Variants in GNA14 observed in about 807,000 individuals in gnomAD.
The protein encoded by GNA14 is guanine nucleotide-binding protein subunit alpha-14.
A neutral mutation model predicts 42.0 loss-of-function variants in GNA14; 50 were observed. That is an observed-to-expected ratio of 1.19 (90% CI 0.95 to 1.51). The LOEUF (loss-of-function observed/expected upper bound fraction) is 1.51, where lower values mean the gene tolerates loss of function less well. GNA14 is among the 40% of genes most tolerant of loss of function. GNA14 has a pLI of 0.00. For missense variants in GNA14, 473 were observed against 446.2 expected (o/e 1.06, Z -0.54); for synonymous variants, 173 against 163.1 (o/e 1.06, Z -0.46).
intron 1 of GNA14, among the ~76,000 whole-genome samples, chr9:77,597,898 T>TA (rs1212260011): frequency 4.6e-5 from 7 of 151,176 alleles, no homozygotes; most frequent in East Asian, 2.0e-4. Flanking sequence ...CCCATCTCCA[T>TA]AAAAAAAATA....
intron 2 of GNA14, among the ~76,000 whole-genome samples, chr9:77,525,934 A>G: frequency 6.9e-6 from 1 of 144,970 alleles, no homozygotes; most frequent in African/African-American, 2.6e-5. Context: ...ACGGAGTTTC[A>G]CTTTGTCCCC....
chr9:77,446,612 G>A (rs1235652835), intron 2 of GNA14, among the ~76,000 whole-genome samples: 1 of 152,100 alleles, frequency 6.6e-6, no homozygotes, highest in Non-Finnish European at 1.5e-5. Context: ...CATTTCTCAG[G>A]TGAGGGAGAG....
Position 77,590,160 on chromosome 9 carries a change from A to AC in GNA14, c.124+57509dup, listed in dbSNP as rs1301752278. On this transcript the variant is annotated intron_variant, in intron 1 of 6. Transcript: ENST00000341700. Reference sequence around the variant, plus strand: ...CTTGAAGTCCTGACTTCAGTGATCCACCCCCCTCGGCCTCCCAAAGTGCTG... The same window carrying AC: ...CTTGAAGTCCTGACTTCAGTGATCCACCCCCCCTCGGCCTCCCAAAGTGCTG... Among the ~76,000 whole-genome samples the AC allele has an allele frequency of 3.3e-5, 5 of 151,658 alleles. No homozygotes were observed. In the East Asian group the frequency reaches 5.8e-4, roughly 18 times the overall value.
chr9:77,602,475 T>C (rs994088163), intron 1 of GNA14, among the ~76,000 whole-genome samples: 1 of 152,242 alleles, frequency 6.6e-6, no homozygotes, highest in Non-Finnish European at 1.5e-5. Flanking sequence ...TATATGGATG[T>C]TATTCTGTCA....
intron 2 of GNA14, among the ~76,000 whole-genome samples, chr9:77,479,891 C>A (rs1179068554): frequency 1.3e-5 from 2 of 151,986 alleles, no homozygotes; most frequent in Non-Finnish European, 2.9e-5. Flanking sequence ...GATTTTTGTA[C>A]ATTGATTTTG....
chr9:77,493,022 A>C (rs376310357), intron 2 of GNA14, among the ~76,000 whole-genome samples: 1 of 74,964 alleles, frequency 1.3e-5, no homozygotes, highest in Non-Finnish European at 2.5e-5. Context: ...AAAAAAAAAA[A>C]AAAAATATAT....
chr9:77,532,788 C>T (rs971137832), intron 1 of GNA14, among the ~76,000 whole-genome samples: 1 of 152,178 alleles, frequency 6.6e-6, no homozygotes, highest in African/African-American at 2.4e-5. Context: ...CGCACCCCCA[C>T]AAAATGCATG....
intron 1 of GNA14, among the ~76,000 whole-genome samples, chr9:77,645,343 T>C (rs975563173): frequency 1.3e-5 from 2 of 152,218 alleles, no homozygotes; most frequent in Non-Finnish European, 2.9e-5. Flanking sequence ...CATCCTCCCC[T>C]AATTCCTGTC....
intron 1 of GNA14, among the ~76,000 whole-genome samples, chr9:77,592,538 C>T (rs1013793220): frequency 6.6e-6 from 1 of 152,108 alleles, no homozygotes; most frequent in African/African-American, 2.4e-5. Flanking sequence ...AGTGGCCACC[C>T]CTTTGGGGGA....
rs1269194263 is a variant in GNA14 at position 77,431,528 on chromosome 9, C to T, written c.465-79G>A. On this transcript the variant is annotated intron_variant, in intron 3 of 6. Coordinates refer to ENST00000341700, the MANE Select transcript of GNA14 (RefSeq NM_004297.4). Reference sequence around the variant, plus strand: ...CCATCCTACTCAAAGGAAGTCACCCCCCACTCACAGTGAGCCCCACACAGA... The same window carrying T: ...CCATCCTACTCAAAGGAAGTCACCCTCCACTCACAGTGAGCCCCACACAGA... The T allele has an allele frequency of 5.9e-6, 8 of 1,353,178 alleles. No individual in the cohort carries two copies. In the Admixed American group the frequency reaches 1.1e-4, roughly 19 times the overall value. 83.8% of individuals were successfully genotyped at this position (1,353,178 alleles called of 1,614,324 possible).
intron 4 of GNA14, 149 bp downstream of exon 4, chr9:77,431,172 C>T: frequency 2.9e-6 from 2 of 683,210 alleles, no homozygotes; most frequent in Non-Finnish European, 2.4e-6. Flanking sequence ...TTGAGACCTA[C>T]CTACCACAAT....
chr9:77,477,330 C>T (rs918930013), intron 2 of GNA14, among the ~76,000 whole-genome samples: 6 of 151,996 alleles, frequency 3.9e-5, no homozygotes, highest in Non-Finnish European at 8.8e-5. Flanking sequence ...CTGGGTGACA[C>T]AGCAAGATCA....
chr9:77,529,221 T>A lies in GNA14; in HGVS notation c.157A>T (p.Lys53Ter). 6.2e-7 allele frequency: 1 copy of A among 1,614,090 alleles called. No homozygotes were observed. Among genetic ancestry groups the A allele is most frequent in the East Asian group, 2.2e-5 (1 of 44,878 alleles). The change falls in exon 2 of 7, where the codon AAG becomes TAG. Residue 53 changes from lysine to a stop codon, truncating the protein, a stop_gained. Coordinates refer to ENST00000341700, the MANE Select transcript of GNA14 (RefSeq NM_004297.4). LOFTEE classifies it high-confidence loss of function. ...TGESGKSTFI[K>*]QMRIIHGSGY... Reference sequence around the variant, plus strand: ...GACCCATGGATAATTCTCATCTGCTTGATAAAGGTGCTTTTCCCACTTTCA... The same window carrying A: ...GACCCATGGATAATTCTCATCTGCTAGATAAAGGTGCTTTTCCCACTTTCA...
At chr9:77,567,409 T>C (rs1207844423) in intron 1 of GNA14, among the ~76,000 whole-genome samples, 1 of 152,088 alleles carries the variant, frequency 6.6e-6, no homozygotes, top group Non-Finnish European at 1.5e-5. Flanking sequence ...AGAACTAACT[T>C]TAACTATCAT....
At chr9:77,427,378 C>T (rs1214082900) in intron 5 of GNA14, among the ~76,000 whole-genome samples, 2 of 151,516 alleles carry the variant, frequency 1.3e-5, no homozygotes, top group Non-Finnish European at 1.5e-5. Context: ...CCAGCATTTC[C>T]GTTCTTTGCA....
chr9:77,581,128 T>A (rs189567820), intron 1 of GNA14, among the ~76,000 whole-genome samples: 2 of 152,198 alleles, frequency 1.3e-5, no homozygotes, highest in East Asian at 3.9e-4. Flanking sequence ...GCAGTTCTCA[T>A]AGACTTTTTG....
At chr9:77,477,164 C>T (rs1330608586) in intron 2 of GNA14, among the ~76,000 whole-genome samples, 3 of 152,030 alleles carry the variant, frequency 2.0e-5, no homozygotes, top group South Asian at 4.2e-4. Context: ...CGAGACGAGC[C>T]GAGGCAACAT....
rs747374769 is a variant in GNA14 at position 77,493,125 on chromosome 9, G to A, written c.309+35944C>T. Among the ~76,000 whole-genome samples the A allele has an allele frequency of 8.4e-4, 126 of 150,068 alleles. 1 individual carries two copies. Among genetic ancestry groups the A allele is most frequent in the Non-Finnish European group, 1.6e-3 (108 of 67,698 alleles). ...CACTAACAGTGGTGGTGTGGGTATG[G>A]GGGCACCGTGGGGCATAGGACATTT... is the stretch of plus-strand genomic sequence containing the variant. On this transcript the variant is annotated intron_variant, in intron 2 of 6. Transcript: ENST00000341700.
intron 1 of GNA14, among the ~76,000 whole-genome samples, chr9:77,547,029 GC>G (rs1163909411): frequency 6.6e-6 from 1 of 152,118 alleles, no homozygotes; most frequent in African/African-American, 2.4e-5. Context: ...TGTGGGGGAG[GC>G]TTTATAAGAA....
Sources: gnomAD v4.1 joint callset for allele counts (sites outside exome capture counted in the v4.1 genomes callset) on GRCh38, gnomAD v4.1.1 for gene constraint, MANE v1.5 for transcripts, NCBI Gene and HGNC (gene_info 2026-07-23, HGNC 2026-07-21) for gene names.